Variants in ORC3 observed in about 807,000 individuals in gnomAD.
ORC3 encodes the protein homolog of latheo, Drosophila.
A neutral mutation model predicts 100.7 loss-of-function variants in ORC3; 78 were observed. That is an observed-to-expected ratio of 0.77 (90% confidence interval 0.65 to 0.94). ORC3 has a LOEUF of 0.94. Among genes scored for constraint, ORC3 ranks in the 40% least tolerant of loss-of-function variants. The pLI is 0.00. For synonymous variants in ORC3, 295 were observed against 289.3 expected, an observed-to-expected ratio of 1.02 and a Z score of -0.20; for missense variants, 789 against 823.9, an observed-to-expected ratio of 0.96 and a Z score of 0.52.
chr6:87,609,710 C>A (rs1778608929), intron 7 of ORC3, among the ~76,000 whole-genome samples: 1 of 151,988 alleles, frequency 6.6e-6, no homozygotes, highest in Non-Finnish European at 1.5e-5. Flanking sequence ...CACCACCACA[C>A]CTGGCTAATT....
chr6:87,645,623 T>C (rs1768703354), intron 13 of ORC3, among the ~76,000 whole-genome samples: 1 of 152,232 alleles, frequency 6.6e-6, no homozygotes, highest in Admixed American at 6.5e-5. Flanking sequence ...AATGTTTGTT[T>C]AGAATTTGAA....
chr6:87,627,297 C>CTTTTT lies in ORC3; in HGVS notation c.1185+5298_1185+5302dup, dbSNP rs71554739. 4.3e-3 allele frequency among the ~76,000 whole-genome samples: 488 copies of CTTTTT among 113,400 alleles called. 7 individuals are homozygous for CTTTTT. The highest frequency in any genetic ancestry group is 0.016 in the African/African-American group (467 of 28,654). The allele number at this position is 113,400 out of a possible 152,430, so 74.4% of individuals were successfully genotyped here. On this transcript the variant is annotated intron_variant, in intron 11 of 19. Transcript: ENST00000392844. ...TACAGGTGTGAGCCACCGCGCCCAG[C>CTTTTT]TTTTTTTTTTTTTTTTTTGAGGGGG...
At chr6:87,635,923 T>A (rs1005134448) in intron 12 of ORC3, among the ~76,000 whole-genome samples, 2 of 151,952 alleles carry the variant, frequency 1.3e-5, no homozygotes, top group African/African-American at 4.8e-5. Flanking sequence ...CAGTATAGCC[T>A]CATTTTACTT....
intron 7 of ORC3, among the ~76,000 whole-genome samples, chr6:87,610,833 G>A (rs1053075821): frequency 1.1e-4 from 15 of 138,852 alleles, no homozygotes; most frequent in African/African-American, 4.0e-4. Flanking sequence ...GATTACAGGC[G>A]TGAGCCACCG....
At chr6:87,646,326 TA>T (rs144298533) in intron 13 of ORC3, among the ~76,000 whole-genome samples, 17,300 of 152,216 alleles carry the variant, frequency 0.11, 1,053 homozygotes, top group East Asian at 0.15. Context: ...GGGATAAAGA[TA>T]AATCGCTCTT....
chr6:87,609,974 A>G (rs1778625124), intron 7 of ORC3, among the ~76,000 whole-genome samples: 1 of 152,198 alleles, frequency 6.6e-6, no homozygotes, highest in Non-Finnish European at 1.5e-5. Flanking sequence ...TTTATATAAT[A>G]CTTCTAGTGA....
downstream of ORC3, among the ~76,000 whole-genome samples, chr6:87,669,988 C>T (rs554736407): frequency 6.6e-6 from 1 of 152,196 alleles, no homozygotes; most frequent in Non-Finnish European, 1.5e-5. Flanking sequence ...GAGGAACTGG[C>T]CTCACACAGA....
chr6:87,676,447 CAAAAAAAAAA>C, the ORC3 span, among the ~76,000 whole-genome samples: 9 of 41,910 alleles, frequency 2.1e-4, no homozygotes, highest in East Asian at 1.6e-3. Flanking sequence ...GCCTGGGCAA[CAAAAAAAAAA>C]AAAAAAAAAA....
At chr6:87,618,510 T>C (rs1458814257) in intron 9 of ORC3, among the ~76,000 whole-genome samples, 1 of 152,114 alleles carries the variant, frequency 6.6e-6, no homozygotes, top group Non-Finnish European at 1.5e-5. Flanking sequence ...GTCAGTGCTA[T>C]GAAAGAAACA....
At chr6:87,624,578 A>G (rs549310669) in intron 11 of ORC3, among the ~76,000 whole-genome samples, 1 of 152,348 alleles carries the variant, frequency 6.6e-6, no homozygotes, top group South Asian at 2.1e-4. Context: ...ATGGTTTTGT[A>G]AAAATACATG....
At chr6:87,605,039 GA>G (rs1348636239) in intron 4 of ORC3, among the ~76,000 whole-genome samples, 1 of 152,104 alleles carries the variant, frequency 6.6e-6, no homozygotes, top group African/African-American at 2.4e-5. Flanking sequence ...CCAGTTAACA[GA>G]ATTTTTTTCC....
the ORC3 span, chr6:87,675,499 T>A: frequency 2.0e-6 from 3 of 1,520,046 alleles, no homozygotes; most frequent in Non-Finnish European, 2.7e-6. Context: ...TAACCTGTAT[T>A]CACAGAAGGG....
chr6:87,643,254 G>T (rs1768419940), intron 13 of ORC3, among the ~76,000 whole-genome samples: 1 of 152,148 alleles, frequency 6.6e-6, no homozygotes, highest in Non-Finnish European at 1.5e-5. Context: ...AATTAGCTGA[G>T]ATATTGATCA....
At chr6:87,603,170 A>T (rs566644302) in intron 3 of ORC3, among the ~76,000 whole-genome samples, 6 of 151,324 alleles carry the variant, frequency 4.0e-5, no homozygotes, top group African/African-American at 1.5e-4. Flanking sequence ...TAAAAAGATG[A>T]GGTCTCACTA....
At chr6:87,624,456 A>G (rs1055255879) in intron 11 of ORC3, among the ~76,000 whole-genome samples, 1 of 152,188 alleles carries the variant, frequency 6.6e-6, no homozygotes, top group Non-Finnish European at 1.5e-5. Flanking sequence ...AGCGTCGGCA[A>G]CAGAGCAAGA....
chr6:87,673,819 G>GCA, the ORC3 span, among the ~76,000 whole-genome samples: 2 of 150,664 alleles, frequency 1.3e-5, no homozygotes, highest in East Asian at 4.0e-4. Flanking sequence ...CCAGCCTGGT[G>GCA]ACAGAGCAAG....
intron 13 of ORC3, among the ~76,000 whole-genome samples, chr6:87,640,818 A>G (rs1283145774): frequency 6.6e-6 from 1 of 152,170 alleles, no homozygotes; most frequent in Non-Finnish European, 1.5e-5. Flanking sequence ...AATCAGAGGC[A>G]GCTGGGTGTG....
intron 6 of ORC3, among the ~76,000 whole-genome samples, chr6:87,608,174 T>C (rs1778485882): frequency 6.6e-6 from 1 of 152,214 alleles, no homozygotes. Context: ...TGTTCCTCAA[T>C]GTTTGCTTTG....
intron 5 of ORC3, among the ~76,000 whole-genome samples, 179 bp from the exon 6 acceptor site, chr6:87,607,494 G>C (rs1011931677): frequency 6.6e-6 from 1 of 151,744 alleles, no homozygotes; most frequent in African/African-American, 2.4e-5. Flanking sequence ...ATTAATGAAG[G>C]TACTAATGAG....
Sources: gnomAD v4.1 joint callset for allele counts (sites outside exome capture counted in the v4.1 genomes callset) on GRCh38, gnomAD v4.1.1 for gene constraint, MANE v1.5 for transcripts, NCBI Gene and HGNC (gene_info 2026-07-23, HGNC 2026-07-21) for gene names.